Variants in FCER1A observed in about 807,000 individuals in gnomAD.
FCER1A encodes high affinity immunoglobulin epsilon receptor subunit alpha.
Under a neutral mutation model 23.6 loss-of-function variants are expected in FCER1A, and 24 were observed. That is an observed-to-expected ratio of 1.02 (90% CI 0.74 to 1.43). The LOEUF is 1.43. FCER1A is among the 40% of genes most tolerant of loss of function. The pLI is 0.00. For synonymous variants in FCER1A, 121 were observed against 108.8 expected (o/e 1.11, Z -0.70); for missense variants, 318 against 294.5 (o/e 1.08, Z -0.58).
the FCER1A span, among the ~76,000 whole-genome samples, chr1:159,283,904 A>G: frequency 3.3e-5 from 5 of 152,160 alleles, no homozygotes; most frequent in Admixed American, 1.3e-4. Flanking sequence ...GAGGTAAGGA[A>G]GGTAGAACCT....
chr1:159,291,142 A>G (rs553560690), intron 1 of FCER1A, among the ~76,000 whole-genome samples: 85 of 152,294 alleles, frequency 5.6e-4, no homozygotes, highest in Non-Finnish European at 8.2e-4. Context: ...CATGGCAAGG[A>G]ATAGAATATT....
At chr1:159,306,333 G>C (rs988014826) in intron 4 of FCER1A, 88 bp downstream of exon 4, 2 of 1,330,108 alleles carry the variant, frequency 1.5e-6, no homozygotes, top group South Asian at 2.8e-5. Context: ...TTGTAGAAGG[G>C]GGGCACCTGT....
At chr1:159,303,651 A>T (rs1652504777) in intron 2 of FCER1A, among the ~76,000 whole-genome samples, 1 of 152,206 alleles carries the variant, frequency 6.6e-6, no homozygotes, top group East Asian at 1.9e-4. Flanking sequence ...ACAGAAGTAG[A>T]GTGAGTCAGC....
chr1:159,303,353 C>A (rs1652495924), intron 2 of FCER1A, among the ~76,000 whole-genome samples: 1 of 152,088 alleles, frequency 6.6e-6, no homozygotes, highest in Non-Finnish European at 1.5e-5. Context: ...TGCACTACAT[C>A]CCCTTGTTCC....
chr1:159,305,140 C>T (rs1234940454), intron 3 of FCER1A, among the ~76,000 whole-genome samples: 1 of 152,170 alleles, frequency 6.6e-6, no homozygotes, highest in African/African-American at 2.4e-5. Flanking sequence ...ATGTTTCAAC[C>T]TCCATATGTA....
chr1:159,293,089 A>G lies in FCER1A; in HGVS notation c.-60+3336A>G, dbSNP rs181941818. Among the ~76,000 whole-genome samples, 363 of 152,196 alleles carry G rather than the reference A, an allele frequency of 2.4e-3. 3 individuals are homozygous for G. Among genetic ancestry groups the G allele is most frequent in the Non-Finnish European group, 4.8e-3 (323 of 67,996 alleles). ...AAATTTCAGTCTCAGGTATTCAGTT[A>G]TAACCACAGAAAATAGACTAAGACA... is the stretch of plus-strand genomic sequence containing the variant. On this transcript the variant is annotated intron_variant, in intron 1 of 5. Transcript: ENST00000368115.
chr1:159,284,056 C>A, the FCER1A span, among the ~76,000 whole-genome samples: 948 of 152,244 alleles, frequency 6.2e-3, 8 homozygotes, highest in African/African-American at 0.021. Flanking sequence ...CACGTGAATA[C>A]TGGGTAAGCA....
At chr1:159,285,033 A>G (rs1367868276), upstream of FCER1A, among the ~76,000 whole-genome samples, 1 of 152,162 alleles carries the variant, frequency 6.6e-6, no homozygotes, top group Non-Finnish European at 1.5e-5. Context: ...GGGTTTCTCA[A>G]CAGTGGTGCT....
chr1:159,294,806 C>G (rs1172611628), intron 1 of FCER1A, among the ~76,000 whole-genome samples: 2 of 152,126 alleles, frequency 1.3e-5, no homozygotes, highest in Non-Finnish European at 2.9e-5. Flanking sequence ...TAAGCCATTT[C>G]TTTATTTGTC....
chr1:159,305,420 G>T (rs1022192547), intron 3 of FCER1A, among the ~76,000 whole-genome samples: 1 of 152,190 alleles, frequency 6.6e-6, no homozygotes, highest in Non-Finnish European at 1.5e-5. Flanking sequence ...CCTAAATACT[G>T]TGTTGGGCAT....
intron 4 of FCER1A, among the ~76,000 whole-genome samples, chr1:159,306,879 CACTTTGT>C (rs1652632701): frequency 1.3e-5 from 2 of 152,164 alleles, no homozygotes; most frequent in Admixed American, 6.5e-5. Context: ...TTCCTTCACA[CACTTTGT>C]ACATAATAAT....
rs146511084 is a variant in FCER1A at position 159,307,882 on chromosome 1, G to T, written c.724G>T (p.Gly242Cys). ...CTTGAAGATTAAGAGAACCAGGAAA[G>T]GCTTCAGACTTCTGAACCCACATCC... ...FLLKIKRTRK[G>C]FRLLNPHPKP... Residue 242 changes from glycine to cysteine, a missense_variant, in exon 5 of 5, where the codon GGC becomes TGC. Coordinates refer to ENST00000693622, the MANE Select transcript of FCER1A (RefSeq NM_001387280.1). 112 of 1,613,372 alleles carry T rather than the reference G, an allele frequency of 6.9e-5. 2 individuals are homozygous for T. The African/African-American group carries it at 1.3e-3, about 19-fold the overall frequency.
chr1:159,299,770 T>G (rs1471376160), upstream of FCER1A, among the ~76,000 whole-genome samples: 1 of 152,172 alleles, frequency 6.6e-6, no homozygotes, highest in African/African-American at 2.4e-5. Flanking sequence ...GAAGGACTTT[T>G]TTTTTTATAT....
At chr1:159,296,234 T>A (rs1004954914) in intron 1 of FCER1A, among the ~76,000 whole-genome samples, 1 of 152,198 alleles carries the variant, frequency 6.6e-6, no homozygotes, top group African/African-American at 2.4e-5. Context: ...CCCCTTAAAC[T>A]GTTTAAGTTT....
At chr1:159,301,315 T>A (rs2102227196), upstream of FCER1A, among the ~76,000 whole-genome samples, 1 of 152,240 alleles carries the variant, frequency 6.6e-6, no homozygotes, top group South Asian at 2.1e-4. Flanking sequence ...TCCAGTATTA[T>A]CATTAATATC....
At chr1:159,301,839 G>T (rs1489945082), upstream of FCER1A, among the ~76,000 whole-genome samples, 1 of 152,060 alleles carries the variant, frequency 6.6e-6, no homozygotes, top group Non-Finnish European at 1.5e-5. Flanking sequence ...TTAATAGTTG[G>T]CACCCCAAAA....
chr1:159,294,125 G>T (rs1431385822), intron 1 of FCER1A, among the ~76,000 whole-genome samples: 3 of 152,142 alleles, frequency 2.0e-5, no homozygotes, highest in Admixed American at 2.0e-4. Flanking sequence ...TTGGTAGGAT[G>T]GTAAACTAGT....
At chr1:159,303,817 G>GATTCT in intron 2 of FCER1A, 111 bp from the exon 3 acceptor site, 1 of 798,986 alleles carries the variant, frequency 1.3e-6, no homozygotes, top group Admixed American at 2.6e-5. Flanking sequence ...AATAAGGACA[G>GATTCT]GTTGACCACT....
intron 3 of FCER1A, among the ~76,000 whole-genome samples, chr1:159,305,040 T>C (rs1214123117): frequency 6.6e-6 from 1 of 152,242 alleles, no homozygotes; most frequent in Non-Finnish European, 1.5e-5. Flanking sequence ...GTGGCTTAAT[T>C]AGCAAATGTT....
Sources: gnomAD v4.1 joint callset for allele counts (sites outside exome capture counted in the v4.1 genomes callset) on GRCh38, gnomAD v4.1.1 for gene constraint, MANE v1.5 for transcripts, NCBI Gene and HGNC (gene_info 2026-07-23, HGNC 2026-07-21) for gene names.